Variants in CGREF1 observed in about 807,000 individuals in gnomAD.
CGREF1 encodes cell growth regulator with EF-hand domain 1.
CGREF1 carries 16 observed loss-of-function variants against 17.4 expected under a neutral mutation model. The observed-to-expected ratio is 0.92, with a 90% CI of 0.62 to 1.40. The LOEUF is 1.40. Among genes scored for constraint, CGREF1 ranks in the 40% most tolerant of loss-of-function variants. The pLI, the probability that CGREF1 is intolerant of heterozygous loss-of-function variation, is 0.00. For missense variants in CGREF1, 296 were observed against 376.4 expected (o/e 0.79, Z 1.77); for synonymous variants, 142 against 154.6 (o/e 0.92, Z 0.61).
intron 1 of CGREF1, among the ~76,000 whole-genome samples, chr2:27,108,778 CAGCAAAATTATCTTGCAGAATGAGGTGA>C (rs573021268): frequency 6.6e-6 from 1 of 152,260 alleles, no homozygotes; most frequent in South Asian, 2.1e-4. Context: ...ATTCTATTCT[CAGCAAAATTATCTTGCAGAATGAGGTGA>C]AGCAAATTTA....
chr2:27,104,707 T>C, intron 1 of CGREF1: 2 of 1,547,114 alleles, frequency 1.3e-6, no homozygotes, highest in Non-Finnish European at 1.7e-6. Flanking sequence ...AGCGCAAGCA[T>C]ATCTGACCTC....
intron 1 of CGREF1, chr2:27,110,799 G>A (rs187391158): frequency 6.5e-6 from 1 of 152,870 alleles, no homozygotes; most frequent in East Asian, 1.9e-4. Context: ...TGTTCCTTCT[G>A]ATGTTCGGAT....
At chr2:27,108,090 A>C (rs1250363291) in intron 1 of CGREF1, among the ~76,000 whole-genome samples, 1 of 151,902 alleles carries the variant, frequency 6.6e-6, no homozygotes, top group Non-Finnish European at 1.5e-5. Flanking sequence ...CCCCGTCTCT[A>C]CTAAAAATAC....
At chr2:27,105,427 T>A (rs1377471575) in intron 1 of CGREF1, among the ~76,000 whole-genome samples, 1 of 152,242 alleles carries the variant, frequency 6.6e-6, no homozygotes, top group Non-Finnish European at 1.5e-5. Flanking sequence ...GGTAAGCACC[T>A]GGCTAATGGG....
chr2:27,115,822 A>C (rs1319793059), intron 1 of CGREF1, among the ~76,000 whole-genome samples: 1 of 152,098 alleles, frequency 6.6e-6, no homozygotes, highest in Non-Finnish European at 1.5e-5. Context: ...TTCCACTTTC[A>C]CTTTTCAGTG....
chr2:27,100,240 C>T, downstream of CGREF1: 1 of 392,212 alleles, frequency 2.5e-6, no homozygotes, highest in South Asian at 2.0e-5. Flanking sequence ...TCTATTCCCA[C>T]AGCTCAGAAG....
intron 1 of CGREF1, among the ~76,000 whole-genome samples, chr2:27,113,395 T>C (rs921106478): frequency 6.6e-6 from 1 of 152,180 alleles, no homozygotes; most frequent in South Asian, 2.1e-4. Context: ...GGATAAATAT[T>C]CATTTCTTTA....
chr2:27,101,054 C>A lies in CGREF1; in HGVS notation c.*220G>T. On this transcript the variant is annotated 3_prime_UTR_variant, in exon 6 of 6. Transcript: ENST00000402394. The stretch of plus-strand genomic sequence containing the variant: ...TCTGAGAGGGTCTGGGCAGGCTGGA[C>A]GGGTAGAGAGGTGGCCGGGGGGATG... The A allele has an allele frequency of 7.6e-7, 1 of 1,319,986 alleles. No homozygotes were observed. Among genetic ancestry groups the A allele is most frequent in the Non-Finnish European group, 9.6e-7 (1 of 1,045,076 alleles). 81.8% of individuals were successfully genotyped at this position (1,319,986 alleles called of 1,614,324 possible).
chr2:27,101,126 T>C lies in CGREF1; in HGVS notation c.*148A>G. ...GTAATCTGCCCCTTAACTTAGGGTCTCCCTGAGCTGCACAGAAAGACCTGA... is the reference window on the plus strand; with the variant it reads ...GTAATCTGCCCCTTAACTTAGGGTCCCCCTGAGCTGCACAGAAAGACCTGA... On this transcript the variant is annotated 3_prime_UTR_variant, in exon 6 of 6. Coordinates refer to ENST00000402394, the MANE Select transcript of CGREF1 (RefSeq NM_006569.6). The C allele has an allele frequency of 7.0e-7, 1 of 1,419,528 alleles. No individual in the cohort carries two copies. The highest frequency in any genetic ancestry group is 9.1e-7 in the Non-Finnish European group (1 of 1,094,030). 87.9% of individuals were successfully genotyped at this position (1,419,528 alleles called of 1,614,324 possible).
chr2:27,118,581 T>C (rs1572908637), intron 1 of CGREF1, among the ~76,000 whole-genome samples: 1 of 152,132 alleles, frequency 6.6e-6, no homozygotes, highest in Non-Finnish European at 1.5e-5. Context: ...AATGCGGGGC[T>C]GGGGGAAGCG....
intron 1 of CGREF1, among the ~76,000 whole-genome samples, chr2:27,112,822 A>G (rs548031261): frequency 3.5e-4 from 53 of 152,336 alleles, no homozygotes; most frequent in African/African-American, 1.2e-3. Context: ...CTGTGTCATG[A>G]AATATACCAC....
At chr2:27,111,751 G>A (rs560702243) in intron 1 of CGREF1, among the ~76,000 whole-genome samples, 2 of 151,924 alleles carry the variant, frequency 1.3e-5, no homozygotes, top group African/African-American at 2.4e-5. Context: ...GGGGCCGGCC[G>A]GCAGCTCCGA....
downstream of CGREF1, chr2:27,099,716 A>G (rs756574998): frequency 3.1e-6 from 5 of 1,614,068 alleles, 1 homozygote; most frequent in South Asian, 5.5e-5. Context: ...GCCGGCAAGA[A>G]GTGTGGCCTG....
intron 1 of CGREF1, among the ~76,000 whole-genome samples, chr2:27,114,634 C>G (rs939029430): frequency 6.6e-6 from 1 of 152,336 alleles, no homozygotes; most frequent in Non-Finnish European, 1.5e-5. Context: ...ATGTGCACCT[C>G]TGGAACCTTG....
chr2:27,115,792 T>C (rs1280038181), intron 1 of CGREF1, among the ~76,000 whole-genome samples: 3 of 152,240 alleles, frequency 2.0e-5, no homozygotes, highest in Non-Finnish European at 4.4e-5. Context: ...CAAGGAGTTA[T>C]TGGAGTCTCC....
intron 1 of CGREF1, among the ~76,000 whole-genome samples, chr2:27,116,884 T>A (rs1400676957): frequency 2.1e-4 from 15 of 72,638 alleles, no homozygotes; most frequent in Non-Finnish European, 2.7e-5. Context: ...TCTCTCTCTC[T>A]CTCTCTCTCT....
intron 1 of CGREF1, among the ~76,000 whole-genome samples, chr2:27,110,112 C>T (rs1318250451): frequency 6.6e-6 from 1 of 151,878 alleles, no homozygotes; most frequent in Non-Finnish European, 1.5e-5. Flanking sequence ...AATTCCAGCA[C>T]TTTGGGAGGC....
At chr2:27,107,533 A>G (rs1267784907) in intron 1 of CGREF1, among the ~76,000 whole-genome samples, 1 of 151,828 alleles carries the variant, frequency 6.6e-6, no homozygotes, top group Non-Finnish European at 1.5e-5. Context: ...GATTACAGGC[A>G]TGAGTCACCG....
intron 1 of CGREF1, among the ~76,000 whole-genome samples, chr2:27,113,854 C>T (rs74721905): frequency 0.017 from 2,554 of 152,234 alleles, 85 homozygotes; most frequent in African/African-American, 0.058. Context: ...CCTGGCTCCT[C>T]TCAAATTGCT....
Sources: gnomAD v4.1 joint callset for allele counts (sites outside exome capture counted in the v4.1 genomes callset) on GRCh38, gnomAD v4.1.1 for gene constraint, MANE v1.5 for transcripts, NCBI Gene and HGNC (gene_info 2026-07-23, HGNC 2026-07-21) for gene names.